Variants in LRP6 observed in about 807,000 individuals in gnomAD.
The protein encoded by LRP6 is low-density lipoprotein receptor-related protein 6.
A neutral mutation model predicts 184.1 loss-of-function variants in LRP6; 43 were observed. The observed-to-expected ratio is 0.23, with a 90% CI of 0.18 to 0.30. LRP6 has a LOEUF of 0.30. Among genes scored for constraint, LRP6 ranks in the 10% least tolerant of loss-of-function variants. The pLI is 1.00. For missense variants in LRP6, 1,571 were observed against 2,005.3 expected (o/e 0.78, Z 4.14); for synonymous variants, 719 against 684.9 (o/e 1.05, Z -0.78).
Position 12,165,152 on chromosome 12 carries a change from T to G in LRP6, c.1689A>C (p.Ala563=). 1.9e-6 allele frequency: 3 copies of G among 1,614,140 alleles called. No individual in the cohort carries two copies. The highest frequency in any genetic ancestry group is 2.5e-6 in the Non-Finnish European group (3 of 1,180,006). The change falls in exon 8 of 23, where the codon GCA becomes GCC. Residue 563 remains alanine, a synonymous_variant. Coordinates refer to ENST00000261349, the MANE Select transcript of LRP6 (RefSeq NM_002336.3). ...GCTGATCTATGATCACTTCCCTCTCTGCACTTCGTTTATGAACTCTTTCAA... is the reference window on the plus strand; with the variant it reads ...GCTGATCTATGATCACTTCCCTCTCGGCACTTCGTTTATGAACTCTTTCAA... ...RSIERVHKRS[A]EREVIIDQLP...
chr12:12,130,155 T>C (rs575363485), intron 19 of LRP6, among the ~76,000 whole-genome samples: 1 of 152,126 alleles, frequency 6.6e-6, no homozygotes, highest in African/African-American at 2.4e-5. Context: ...ATTGCTTAAG[T>C]TCTGAATTGA....
intron 3 of LRP6, among the ~76,000 whole-genome samples, chr12:12,197,647 T>C (rs545652832): frequency 1.6e-4 from 25 of 152,352 alleles, no homozygotes; most frequent in African/African-American, 5.3e-4. Context: ...ATCTAGCATA[T>C]GCAGGAGCAA....
At chr12:12,225,953 T>C (rs143795392) in intron 2 of LRP6, among the ~76,000 whole-genome samples, 1 of 151,666 alleles carries the variant, frequency 6.6e-6, no homozygotes, top group East Asian at 1.9e-4. Context: ...GCTATAGTAC[T>C]GGTAAGGTCT....
chr12:12,164,066 G>T (rs933670851), intron 9 of LRP6, among the ~76,000 whole-genome samples: 5 of 151,630 alleles, frequency 3.3e-5, no homozygotes, highest in African/African-American at 1.2e-4. Context: ...GGAGGCAGGG[G>T]TTGCAGTGAG....
intron 2 of LRP6, among the ~76,000 whole-genome samples, chr12:12,208,672 A>C (rs1307412806): frequency 6.6e-6 from 1 of 152,162 alleles, no homozygotes; most frequent in Non-Finnish European, 1.5e-5. Context: ...ATGAATCCAG[A>C]CCTTGTGCTT....
At chr12:12,202,435 C>T (rs576554641) in intron 3 of LRP6, among the ~76,000 whole-genome samples, 4 of 152,268 alleles carry the variant, frequency 2.6e-5, no homozygotes, top group Admixed American at 1.3e-4. Context: ...CCCAGCTACT[C>T]GGAAGGCTGA....
intron 3 of LRP6, 39 bp from the exon 4 acceptor site, chr12:12,187,158 A>G: frequency 6.4e-7 from 1 of 1,566,458 alleles, no homozygotes; most frequent in Non-Finnish European, 8.7e-7. Context: ...TTATTTCTAA[A>G]TTTTCTTCTT....
Position 12,151,053 on chromosome 12 carries a change from A to G in LRP6, c.2792-15T>C, listed in dbSNP as rs1168891502. 1 of 1,607,556 alleles carries G rather than the reference A, an allele frequency of 6.2e-7. No homozygotes were observed. The highest frequency in any genetic ancestry group is 8.5e-7 in the Non-Finnish European group (1 of 1,175,260). On this transcript the variant is annotated splice_polypyrimidine_tract_variant and intron_variant, in intron 12 of 22. Transcript: ENST00000261349. Reference sequence around the variant, plus strand: ...AGTCGTAGGAGCTTAAAAGGAAGAAAAGAGAAAATCTGAAATCTAGTTACC... The same window carrying G: ...AGTCGTAGGAGCTTAAAAGGAAGAAGAGAGAAAATCTGAAATCTAGTTACC...
chr12:12,213,030 C>T (rs962022671), intron 2 of LRP6, among the ~76,000 whole-genome samples: 1 of 152,176 alleles, frequency 6.6e-6, no homozygotes, highest in African/African-American at 2.4e-5. Context: ...ATAGCAGCTT[C>T]TTTAGAGGAC....
At position 12,159,052 on chromosome 12, in the gene LRP6, C is replaced by T. The variant is rs1425405867; in HGVS notation, c.2568G>A (p.Glu856=). The change falls in exon 12 of 23, where the codon GAG becomes GAA. Residue 856 remains glutamate (E), a synonymous_variant. Coordinates refer to ENST00000261349, the MANE Select transcript of LRP6 (RefSeq NM_002336.3). ...YWTDWSRRSI[E]RANKTSGQNR... ...TTTGGCCACTGGTTTTGTTGGCACG[C>T]TCAATGCTGCGTCGGCTCCAGTCCG... 2 of 1,614,150 alleles carry T rather than the reference C, an allele frequency of 1.2e-6. No homozygotes were observed. Among genetic ancestry groups the T allele is most frequent in the Non-Finnish European group, 1.7e-6 (2 of 1,180,020 alleles).
chr12:12,182,142 A>G (rs1863359679), intron 5 of LRP6, among the ~76,000 whole-genome samples: 1 of 152,222 alleles, frequency 6.6e-6, no homozygotes, highest in Non-Finnish European at 1.5e-5. Flanking sequence ...GAAGCTACAC[A>G]AACTTTGGGA....
intron 22 of LRP6, among the ~76,000 whole-genome samples, chr12:12,123,766 CTTTA>C (rs1363516359): frequency 2.6e-5 from 4 of 152,188 alleles, no homozygotes; most frequent in African/African-American, 9.7e-5. Flanking sequence ...TACAAATACA[CTTTA>C]TTTATTTCAA....
chr12:12,174,633 G>A (rs1863125731), intron 7 of LRP6, among the ~76,000 whole-genome samples: 2 of 152,100 alleles, frequency 1.3e-5, no homozygotes, highest in South Asian at 4.1e-4. Context: ...TAAGATACCA[G>A]ACAAAGAAAC....
chr12:12,257,658 GA>G (rs1430880516), intron 1 of LRP6, among the ~76,000 whole-genome samples: 2 of 147,204 alleles, frequency 1.4e-5, no homozygotes, highest in Non-Finnish European at 3.0e-5. Flanking sequence ...AAAAGTACTT[GA>G]GGCCAGGCAT....
intron 19 of LRP6, among the ~76,000 whole-genome samples, chr12:12,127,805 A>T (rs760410145): frequency 1.3e-5 from 2 of 152,220 alleles, no homozygotes; most frequent in Non-Finnish European, 1.5e-5. Context: ...CTCCTGCTTC[A>T]TCTTACCTCA....
intron 2 of LRP6, among the ~76,000 whole-genome samples, chr12:12,221,924 G>C (rs184327821): frequency 6.6e-6 from 1 of 152,256 alleles, no homozygotes; most frequent in East Asian, 1.9e-4. Context: ...AGTAAAATAT[G>C]ATTGAGATTT....
chr12:12,140,293 C>A (rs771997531), intron 15 of LRP6, among the ~76,000 whole-genome samples: 17 of 151,528 alleles, frequency 1.1e-4, no homozygotes, highest in Non-Finnish European at 2.1e-4. Flanking sequence ...AACATGATAT[C>A]CAAAAATTTC....
Position 12,138,408 on chromosome 12 carries a change from C to A in LRP6, c.3524G>T (p.Arg1175Leu), listed in dbSNP as rs372175738. Residue 1175 changes from arginine (R) to leucine (L), a missense_variant, in exon 16 of 23, where the codon CGA (arginine) becomes CTA (leucine). Transcript: ENST00000261349. ...QMIEKIDMTG[R>L]EGRTKVQARI... Reference sequence around the variant, plus strand: ...AGCTTGGACTTTGGTTCTACCCTCTCGACCTGTCATGTCAATTTTTTCAAT... The same window carrying A: ...AGCTTGGACTTTGGTTCTACCCTCTAGACCTGTCATGTCAATTTTTTCAAT... 2 of 1,614,126 alleles carry A rather than the reference C, an allele frequency of 1.2e-6. No homozygotes were observed. The highest frequency in any genetic ancestry group is 1.7e-5 in the Admixed American group (1 of 60,022).
At position 12,121,293 on chromosome 12, in the gene LRP6, C is replaced by A; in HGVS notation, c.4675G>T (p.Asp1559Tyr). The change falls in exon 23 of 23, where the codon GAC (aspartate) becomes TAC (tyrosine). Residue 1559 changes from aspartate to tyrosine, a missense_variant. By Grantham distance (160) the Asp-to-Tyr change is radical (BLOSUM62 -3). Coordinates refer to ENST00000261349, the MANE Select transcript of LRP6 (RefSeq NM_002336.3). ...SVATAKGYTS[D>Y]LNYDSEPVPP... ...ACAGGTTCTGAATCATAGTTCAAGT[C>A]ACTGGTATAGCCCTTGGCTGTTGCC... is the stretch of plus-strand genomic sequence containing the variant. The A allele has an allele frequency of 6.2e-7, 1 of 1,614,136 alleles. No individual in the cohort carries two copies. Among genetic ancestry groups the A allele is most frequent in the Non-Finnish European group, 8.5e-7 (1 of 1,180,040 alleles).
Sources: allele counts gnomAD v4.1 joint callset (sites outside exome capture counted in the v4.1 genomes callset), GRCh38; gene constraint gnomAD v4.1.1; transcripts MANE v1.5; gene names NCBI Gene and HGNC (gene_info 2026-07-23, HGNC 2026-07-21).